CHL1: variants seen among roughly 807,000 people sequenced by gnomAD.
CHL1 encodes the protein neural cell adhesion molecule L1-like protein.
Under a neutral mutation model 141.9 loss-of-function variants are expected in CHL1, and 96 were observed. The ratio of observed to expected loss-of-function variants is 0.68; its 90% CI spans 0.57 to 0.80. The LOEUF is 0.80. Among genes scored for constraint, CHL1 ranks in the 30% least tolerant of loss-of-function variants. The pLI is 0.00. For synonymous variants in CHL1, 613 were observed against 502.2 expected (o/e 1.22, Z -2.95); for missense variants, 1,820 against 1,457.2 (o/e 1.25, Z -4.05).
intron 10 of CHL1, among the ~76,000 whole-genome samples, chr3:352,471 T>C (rs1014592285): frequency 6.6e-6 from 1 of 152,202 alleles, no homozygotes; most frequent in Non-Finnish European, 1.5e-5. Flanking sequence ...ATTTATCATC[T>C]TATTTTTGTA....
At chr3:274,554 C>G (rs780052582) in intron 2 of CHL1, among the ~76,000 whole-genome samples, 5 of 152,190 alleles carry the variant, frequency 3.3e-5, no homozygotes, top group Non-Finnish European at 7.3e-5. Context: ...AGATGCTGTA[C>G]TAGAACAGTC....
rs749564788 is a variant in CHL1, at chr3:382,469, AC to A, written c.1979-3del. On this transcript the variant is annotated splice_polypyrimidine_tract_variant and splice_region_variant and intron_variant, in intron 17 of 27. Transcript: ENST00000256509. ...CTAATATTTTTTCCCTGTTTATACTACCAGAGTATATTGTTGAATTTGAAGG... is the reference window on the plus strand; with the variant it reads ...CTAATATTTTTTCCCTGTTTATACTACAGAGTATATTGTTGAATTTGAAGG... The A allele has an allele frequency of 8.1e-6, 13 of 1,609,098 alleles. No homozygotes were observed. The highest frequency in any genetic ancestry group is 1.1e-5 in the Non-Finnish European group (13 of 1,175,608).
chr3:327,933 A>T (rs966606198), intron 4 of CHL1, among the ~76,000 whole-genome samples: 11 of 151,992 alleles, frequency 7.2e-5, no homozygotes, highest in Admixed American at 1.3e-4. Flanking sequence ...ATTTTAATTT[A>T]AAAAAGCAAA....
intron 3 of CHL1, among the ~76,000 whole-genome samples, chr3:325,372 C>T (rs1225639128): frequency 1.3e-5 from 2 of 151,782 alleles, no homozygotes; most frequent in Non-Finnish European, 2.9e-5. Context: ...GTGTCCATGC[C>T]TGGAAATTTA....
At chr3:246,415 T>C (rs1305798839) in intron 2 of CHL1, among the ~76,000 whole-genome samples, 1 of 152,134 alleles carries the variant, frequency 6.6e-6, no homozygotes, top group African/African-American at 2.4e-5. Flanking sequence ...TATTTAATTC[T>C]ACAAAATAAG....
At chr3:324,028 T>A (rs1458705460) in intron 3 of CHL1, among the ~76,000 whole-genome samples, 1 of 152,138 alleles carries the variant, frequency 6.6e-6, no homozygotes, top group Admixed American at 6.6e-5. Context: ...TTTGAAAGAC[T>A]TTTTCAGTTT....
intron 15 of CHL1, chr3:373,906 C>T (rs34460866): frequency 0.27 from 40,531 of 152,456 alleles, 5,750 homozygotes; most frequent in Middle Eastern, 0.46. Context: ...CTCCTCTCCG[C>T]GGATCATGCC....
At chr3:237,591 T>C (rs1210550893) in intron 1 of CHL1, among the ~76,000 whole-genome samples, 1 of 152,244 alleles carries the variant, frequency 6.6e-6, no homozygotes, top group Non-Finnish European at 1.5e-5. Flanking sequence ...GGCACAGGCC[T>C]TGAGGTTACA....
intron 15 of CHL1, among the ~76,000 whole-genome samples, chr3:368,801 TG>T (rs1705233380): frequency 1.3e-5 from 2 of 152,352 alleles, no homozygotes; most frequent in Admixed American, 6.5e-5. Flanking sequence ...TACTTTCAGT[TG>T]TTTGCACATG....
intron 7 of CHL1, 42 bp downstream of exon 7, chr3:342,124 G>A (rs1476773996): frequency 7.3e-6 from 11 of 1,515,406 alleles, no homozygotes; most frequent in South Asian, 1.2e-5. Context: ...TATGCTGAAT[G>A]CAAATGTGTC....
intron 1 of CHL1, among the ~76,000 whole-genome samples, chr3:210,417 G>A (rs557724160): frequency 6.6e-6 from 1 of 152,308 alleles, no homozygotes; most frequent in South Asian, 2.1e-4. Flanking sequence ...TGGCTGGGGT[G>A]GGCTGGTGGC....
intron 2 of CHL1, among the ~76,000 whole-genome samples, chr3:296,232 G>A (rs1698175822): frequency 6.6e-6 from 1 of 152,078 alleles, no homozygotes; most frequent in Admixed American, 6.5e-5. Flanking sequence ...CTATCATTCA[G>A]TTAAGACCTA....
rs866140295 is a variant in CHL1, at chr3:314,325, A to C, written c.-94-5358A>C. ...TCTCTCTCTTTCTCTCTCTCTCTCT[A>C]TGTGTATATATATATATATATATAT... On this transcript the variant is annotated intron_variant, in intron 2 of 27. Coordinates refer to ENST00000256509, the MANE Select transcript of CHL1 (RefSeq NM_006614.4). Among the ~76,000 whole-genome samples the C allele has an allele frequency of 2.7e-3, 149 of 55,104 alleles. 5 individuals carry two copies. Among genetic ancestry groups the C allele is most frequent in the African/African-American group, 0.01 (81 of 7,930 alleles). 36.2% of individuals were successfully genotyped at this position (55,104 alleles called of 152,430 possible). A position where few individuals can be genotyped will look rare whatever the true frequency, so the allele number is the denominator to read the frequency against.
chr3:269,961 A>C (rs1220119727), intron 2 of CHL1, among the ~76,000 whole-genome samples: 3 of 152,186 alleles, frequency 2.0e-5, no homozygotes, highest in Non-Finnish European at 4.4e-5. Context: ...GGTGGGATGA[A>C]GGTGGAAGTA....
chr3:376,111 A>G (rs1191143183), intron 15 of CHL1, among the ~76,000 whole-genome samples: 3 of 152,228 alleles, frequency 2.0e-5, no homozygotes, highest in Non-Finnish European at 2.9e-5. Context: ...TTCAAGTGTT[A>G]TGAGAGTAGA....
At chr3:333,147 C>CTTT (rs1559268147) in intron 5 of CHL1, among the ~76,000 whole-genome samples, 4 of 9,826 alleles carry the variant, frequency 4.1e-4, no homozygotes, top group Non-Finnish European at 7.0e-4. Context: ...TTTTTTTTTG[C>CTTT]TGCTGCTGCA....
chr3:343,133 T>G, intron 8 of CHL1, 102 bp downstream of exon 8: 2 of 859,784 alleles, frequency 2.3e-6, no homozygotes, highest in Non-Finnish European at 3.5e-6. Context: ...ATTACAATAC[T>G]GTTATTATGA....
intron 19 of CHL1, among the ~76,000 whole-genome samples, chr3:386,208 G>T (rs1221222094): frequency 1.7e-5 from 2 of 120,796 alleles, no homozygotes; most frequent in Non-Finnish European, 1.8e-5. Flanking sequence ...GACATAATTT[G>T]AAAAAAAAAA....
At chr3:399,800 C>G (rs1415387002) in intron 26 of CHL1, among the ~76,000 whole-genome samples, 1 of 152,174 alleles carries the variant, frequency 6.6e-6, no homozygotes, top group Non-Finnish European at 1.5e-5. Context: ...GCACGCCTCT[C>G]TCTATGCATG....
Sources: gnomAD v4.1 joint callset for allele counts (sites outside exome capture counted in the v4.1 genomes callset) on GRCh38, gnomAD v4.1.1 for gene constraint, MANE v1.5 for transcripts, NCBI Gene and HGNC (gene_info 2026-07-23, HGNC 2026-07-21) for gene names.